SLIT1: variants seen among roughly 807,000 people sequenced by gnomAD.
SLIT1 encodes slit homolog 1 protein.
Under a neutral mutation model 186.1 loss-of-function variants are expected in SLIT1, and 66 were observed. That is an observed-to-expected ratio of 0.35 (90% CI 0.29 to 0.44). The LOEUF (loss-of-function observed/expected upper bound fraction) is 0.44. SLIT1 is among the 20% of genes least tolerant of loss of function. SLIT1 has a pLI of 1.00. For missense variants in SLIT1, 1,638 were observed against 2,037.4 expected (o/e 0.80, Z 3.77); for synonymous variants, 761 against 833.8 (o/e 0.91, Z 1.50).
intron 4 of SLIT1, among the ~76,000 whole-genome samples, chr10:97,086,566 A>G (rs117396242): frequency 0.015 from 2,293 of 152,326 alleles, 42 homozygotes; most frequent in South Asian, 0.1. Context: ...TGACAGAGCA[A>G]GACTCCAACC....
At position 97,178,459 on chromosome 10, in the gene SLIT1, A is replaced by C. The variant is rs192798955; in HGVS notation, c.197+7019T>G. Among the ~76,000 whole-genome samples, 515 of 152,310 alleles carry C rather than the reference A, an allele frequency of 3.4e-3. 2 individuals carry two copies. The highest frequency in any genetic ancestry group is 5.7e-3 in the Non-Finnish European group (390 of 68,022). On this transcript the variant is annotated intron_variant, in intron 1 of 36. Transcript: ENST00000266058. ...ATAATGTCCAGGTCAAGGAAAACAA[A>C]GAAAGGCTGAGGAGCTCTTCCAAAT...
At chr10:97,007,435 T>C (rs999258726) in intron 31 of SLIT1, among the ~76,000 whole-genome samples, 1 of 152,176 alleles carries the variant, frequency 6.6e-6, no homozygotes, top group Admixed American at 6.5e-5. Context: ...TTCTAACTCA[T>C]TCTATGAGAC....
At chr10:97,094,486 C>T (rs767630346) in intron 4 of SLIT1, among the ~76,000 whole-genome samples, 12 of 152,226 alleles carry the variant, frequency 7.9e-5, no homozygotes, top group Non-Finnish European at 1.5e-4. Context: ...AAATTCTATG[C>T]TCCTAAGGAT....
rs1331675562 is a variant in SLIT1 at position 97,002,904 on chromosome 10, G to A, written c.3954C>T (p.Tyr1318=). ...TGAAGTCCTGCAGCTCGTTGTTGAT[G>A]TACAGGTTTCGGATGCAACCGTGGA... The part of the protein sequence containing the change: ...TGFHGCIRNL[Y]INNELQDFTK... The change falls in exon 35 of 37, where the codon TAC becomes TAT. Residue 1318 remains tyrosine, a synonymous_variant. Transcript: ENST00000266058. 1.9e-6 allele frequency: 3 copies of A among 1,614,118 alleles called. No individual in the cohort carries two copies. The highest frequency in any genetic ancestry group is 1.7e-5 in the Admixed American group (1 of 60,014).
intron 21 of SLIT1, among the ~76,000 whole-genome samples, chr10:97,038,895 T>A (rs1195420605): frequency 6.6e-6 from 1 of 152,198 alleles, no homozygotes; most frequent in Non-Finnish European, 1.5e-5. Flanking sequence ...TAAAAGATTT[T>A]CGCAGGCTCT....
chr10:97,155,868 A>G (rs1486058119), intron 4 of SLIT1, among the ~76,000 whole-genome samples: 1 of 152,252 alleles, frequency 6.6e-6, no homozygotes, highest in African/African-American at 2.4e-5. Flanking sequence ...GCAAGTCAGC[A>G]GAGAAAGAAC....
chr10:97,066,445 G>A lies in SLIT1; in HGVS notation c.414-359C>T, dbSNP rs116560013. Among the ~76,000 whole-genome samples the A allele has an allele frequency of 4.9e-3, 746 of 152,308 alleles. 3 individuals are homozygous for A. Among genetic ancestry groups the A allele is most frequent in the African/African-American group, 0.016 (659 of 41,568 alleles). On this transcript the variant is annotated intron_variant, in intron 4 of 36. Coordinates refer to ENST00000266058, the MANE Select transcript of SLIT1 (RefSeq NM_003061.3). Reference sequence around the variant, plus strand: ...GGATATTTGGCCCCGCCCAAATCTCGTGTTGAATGGTAATCCCCAGTGCTG... The same window carrying A: ...GGATATTTGGCCCCGCCCAAATCTCATGTTGAATGGTAATCCCCAGTGCTG...
rs1330196892 is a variant in SLIT1, at chr10:97,018,585, C to G, written c.2969+1G>C. On this transcript the variant is annotated splice_donor_variant, in intron 28 of 36. Coordinates refer to ENST00000266058, the MANE Select transcript of SLIT1 (RefSeq NM_003061.3). LOFTEE classifies it high-confidence loss of function. ...GGCTCCTGCCCCTCCAGGTAACTCA[C>G]GTGAACGGGGCATCCTCGCCCTCCT... 2 of 1,568,484 alleles carry G rather than the reference C, an allele frequency of 1.3e-6. No individual in the cohort carries two copies. Among genetic ancestry groups the G allele is most frequent in the Non-Finnish European group, 1.7e-6 (2 of 1,154,136 alleles).
intron 13 of SLIT1, among the ~76,000 whole-genome samples, chr10:97,050,824 C>G (rs1321489810): frequency 2.0e-5 from 3 of 152,140 alleles, no homozygotes; most frequent in Non-Finnish European, 4.4e-5. Context: ...TGTAGAATAT[C>G]TCCTTTCTAA....
intron 13 of SLIT1, among the ~76,000 whole-genome samples, chr10:97,053,490 G>T (rs1245852354): frequency 2.0e-5 from 3 of 152,152 alleles, no homozygotes; most frequent in Non-Finnish European, 4.4e-5. Flanking sequence ...GTCCCCAGGG[G>T]TCACGAGCTG....
At chr10:97,055,230 C>A (rs546934116) in intron 13 of SLIT1, among the ~76,000 whole-genome samples, 1 of 152,012 alleles carries the variant, frequency 6.6e-6, no homozygotes, top group Non-Finnish European at 1.5e-5. Context: ...AAACAAAAAA[C>A]AATCAAAAAA....
chr10:97,152,564 C>T (rs1445071848), intron 4 of SLIT1, among the ~76,000 whole-genome samples: 2 of 152,242 alleles, frequency 1.3e-5, no homozygotes, highest in Non-Finnish European at 2.9e-5. Context: ...CTATCTGTAT[C>T]TCACAGAAGA....
chr10:97,060,292 G>T, intron 9 of SLIT1, 134 bp from the exon 10 acceptor site: 4 of 756,344 alleles, frequency 5.3e-6, no homozygotes, highest in Non-Finnish European at 9.2e-6. Flanking sequence ...TCCAGAAGTT[G>T]AAGTCTGGGG....
At chr10:97,100,988 C>A (rs1849347410) in intron 4 of SLIT1, among the ~76,000 whole-genome samples, 1 of 152,194 alleles carries the variant, frequency 6.6e-6, no homozygotes, top group African/African-American at 2.4e-5. Context: ...GAGCAGAAAA[C>A]AGTAAGGGAA....
intron 18 of SLIT1, among the ~76,000 whole-genome samples, chr10:97,045,718 A>C (rs542550269): frequency 2.0e-5 from 3 of 152,360 alleles, no homozygotes; most frequent in South Asian, 2.1e-4. Context: ...GAAAACAGCA[A>C]GCTGCAAAAC....
At chr10:97,017,039 G>A (rs1466269467) in intron 28 of SLIT1, among the ~76,000 whole-genome samples, 1 of 152,182 alleles carries the variant, frequency 6.6e-6, no homozygotes, top group Non-Finnish European at 1.5e-5. Flanking sequence ...TGGGGTTGAG[G>A]GGTAACTCGT....
chr10:97,003,116 G>T, intron 34 of SLIT1, 124 bp from the exon 35 acceptor site: 1 of 925,120 alleles, frequency 1.1e-6, no homozygotes, highest in Non-Finnish European at 1.6e-6. Flanking sequence ...CTTCATCTCT[G>T]CAACCCTGAT....
chr10:97,121,610 G>C (rs914138474), intron 4 of SLIT1, among the ~76,000 whole-genome samples: 1 of 152,158 alleles, frequency 6.6e-6, no homozygotes, highest in African/African-American at 2.4e-5. Context: ...GCCAAGATCC[G>C]AACCCAAGTC....
At chr10:97,140,330 C>T (rs998700326) in intron 4 of SLIT1, among the ~76,000 whole-genome samples, 13 of 152,300 alleles carry the variant, frequency 8.5e-5, no homozygotes, top group East Asian at 3.9e-4. Context: ...GCTCTCAGGC[C>T]GGCCCCTCCC....
Sources: allele counts gnomAD v4.1 joint callset (sites outside exome capture counted in the v4.1 genomes callset), GRCh38; gene constraint gnomAD v4.1.1; transcripts MANE v1.5; gene names NCBI Gene and HGNC (gene_info 2026-07-23, HGNC 2026-07-21).